The following KCNIP1 variants were observed in gnomAD, a reference collection of about 807,000 sequenced individuals.
The protein encoded by KCNIP1 is potassium voltage-gated channel interacting protein 1, also known as A-type potassium channel modulatory protein KCNIP1.
KCNIP1 carries 18 observed loss-of-function variants against 33.0 expected under a neutral mutation model. That is an observed-to-expected ratio of 0.55 (90% CI 0.38 to 0.81). The LOEUF is 0.81. KCNIP1 is among the 30% of genes least tolerant of loss of function. KCNIP1 has a pLI of 0.00. For synonymous variants in KCNIP1, 93 were observed against 98.3 expected, an observed-to-expected ratio of 0.95 and a Z score of 0.32; for missense variants, 238 against 271.6, an observed-to-expected ratio of 0.88 and a Z score of 0.87.
Position 170,732,793 on chromosome 5 carries a change from G to T in KCNIP1, c.436-7G>T. Reference sequence around the variant, plus strand: ...CCACACTGTGTGCTTTTATGTCCCTGCTCCAGGAGATGATGGACATTGTCA... The same window carrying T: ...CCACACTGTGTGCTTTTATGTCCCTTCTCCAGGAGATGATGGACATTGTCA... On this transcript the variant is annotated splice_polypyrimidine_tract_variant and splice_region_variant and intron_variant, in intron 5 of 7. Transcript: ENST00000328939. 1 of 1,586,718 alleles carries T rather than the reference G, an allele frequency of 6.3e-7. No individual in the cohort carries two copies. Among genetic ancestry groups the T allele is most frequent in the Non-Finnish European group, 8.7e-7 (1 of 1,155,200 alleles).
rs59711597 is a variant in KCNIP1, at chr5:170,390,516, A to AT, written c.88+36552_88+36553insT. ...AGACCCCGTCTCAAAAAAAAAAAACAAATATATATATATATATATATATTT... is the reference window on the plus strand; with the variant it reads ...AGACCCCGTCTCAAAAAAAAAAAACATAATATATATATATATATATATATTT... On this transcript the variant is annotated intron_variant, in intron 1 of 7. Transcript: ENST00000377360. Among the ~76,000 whole-genome samples, 343 of 38,634 alleles carry AT rather than the reference A, an allele frequency of 8.9e-3. 17 individuals are homozygous for AT. The highest frequency in any genetic ancestry group is 0.017 in the Middle Eastern group (1 of 60). The allele number at this position is 38,634 out of a possible 152,430, so 25.3% of individuals were successfully genotyped here.
intron 1 of KCNIP1, chr5:170,482,980 C>T: frequency 2.4e-6 from 1 of 423,698 alleles, no homozygotes; most frequent in South Asian, 1.7e-5. Flanking sequence ...CCATGCATCC[C>T]TAGAAAACAT....
intron 1 of KCNIP1, among the ~76,000 whole-genome samples, chr5:170,461,794 C>T (rs537100770): frequency 6.0e-5 from 9 of 149,756 alleles, no homozygotes; most frequent in East Asian, 3.9e-4. Context: ...GAAGAGAGAA[C>T]GCAGAAATAA....
chr5:170,403,090 T>C (rs1278518578), intron 1 of KCNIP1, among the ~76,000 whole-genome samples: 1 of 152,180 alleles, frequency 6.6e-6, no homozygotes, highest in East Asian at 1.9e-4. Flanking sequence ...ACCTCCCAAA[T>C]TGTACTTTGG....
intron 1 of KCNIP1, among the ~76,000 whole-genome samples, chr5:170,392,190 A>C (rs2656843): frequency 0.067 from 10,111 of 151,988 alleles, 874 homozygotes; most frequent in African/African-American, 0.2. Flanking sequence ...CAGCTAGCAA[A>C]TCTCACCGGG....
chr5:170,453,889 CCT>C (rs1406038981), intron 1 of KCNIP1, among the ~76,000 whole-genome samples: 1 of 152,168 alleles, frequency 6.6e-6, no homozygotes, highest in African/African-American at 2.4e-5. Context: ...CTGCCAACAT[CCT>C]GAGTAAGGCT....
chr5:170,641,533 C>G (rs1053266021), intron 1 of KCNIP1, among the ~76,000 whole-genome samples: 1 of 152,222 alleles, frequency 6.6e-6, no homozygotes, highest in Non-Finnish European at 1.5e-5. Flanking sequence ...AAAGCCGCCA[C>G]AGTAAGACAC....
chr5:170,399,493 G>A (rs542860510), intron 1 of KCNIP1, among the ~76,000 whole-genome samples: 119 of 152,278 alleles, frequency 7.8e-4, no homozygotes, highest in South Asian at 7.5e-3. Context: ...AGTAATAGAG[G>A]TAAGTCATAG....
chr5:170,369,238 G>C (rs896723717), intron 1 of KCNIP1, among the ~76,000 whole-genome samples: 2 of 152,198 alleles, frequency 1.3e-5, no homozygotes, highest in African/African-American at 2.4e-5. Flanking sequence ...TTCTTCATCA[G>C]TAAAATGGGG....
exon 1 of KCNIP1, chr5:170,353,769 G>T (rs954334259): frequency 1.0e-6 from 1 of 955,044 alleles, no homozygotes; most frequent in East Asian, 2.6e-5. Context: ...GGGTGCATCC[G>T]TCACTCAGGG....
chr5:170,509,160 G>A (rs747621939), intron 1 of KCNIP1, among the ~76,000 whole-genome samples: 3 of 152,098 alleles, frequency 2.0e-5, no homozygotes, highest in Admixed American at 2.0e-4. Context: ...TCTGTTGTTC[G>A]GTCTGCTGGC....
At chr5:170,688,820 T>C (rs1220172641) in intron 1 of KCNIP1, among the ~76,000 whole-genome samples, 1 of 152,212 alleles carries the variant, frequency 6.6e-6, no homozygotes, top group Non-Finnish European at 1.5e-5. Context: ...ATGTCCACCC[T>C]GCACCATTTA....
chr5:170,614,199 C>T (rs372971331), intron 1 of KCNIP1, among the ~76,000 whole-genome samples: 1 of 152,186 alleles, frequency 6.6e-6, no homozygotes. Context: ...AGGAGGAAAG[C>T]CTGATTCCCT....
chr5:170,512,955 C>A (rs549696495), intron 1 of KCNIP1, among the ~76,000 whole-genome samples: 1 of 151,990 alleles, frequency 6.6e-6, no homozygotes, highest in East Asian at 1.9e-4. Flanking sequence ...GAGGTTGAGG[C>A]AGGAGAATGG....
At chr5:170,503,160 C>T (rs1198709977), upstream of KCNIP1, among the ~76,000 whole-genome samples, 2 of 151,948 alleles carry the variant, frequency 1.3e-5, no homozygotes, top group South Asian at 2.1e-4. Flanking sequence ...GAGGCCAAGG[C>T]GGGTGGATCA....
chr5:170,413,971 A>G (rs978586545), intron 1 of KCNIP1, among the ~76,000 whole-genome samples: 2 of 151,182 alleles, frequency 1.3e-5, no homozygotes, highest in African/African-American at 4.9e-5. Flanking sequence ...GAAGATGGGA[A>G]AGAGGTGACC....
chr5:170,632,335 G>A (rs939906963), intron 1 of KCNIP1, among the ~76,000 whole-genome samples: 6 of 152,328 alleles, frequency 3.9e-5, no homozygotes, highest in South Asian at 2.1e-4. Context: ...TAGGATTCTC[G>A]CCTCAAATCT....
intron 1 of KCNIP1, among the ~76,000 whole-genome samples, chr5:170,436,376 T>G (rs577191151): frequency 6.6e-6 from 1 of 152,308 alleles, no homozygotes; most frequent in South Asian, 2.1e-4. Context: ...CAGAAAGGTC[T>G]CAGGGACCAG....
intron 2 of KCNIP1, among the ~76,000 whole-genome samples, chr5:170,719,132 G>A (rs1437283157): frequency 6.6e-6 from 1 of 152,080 alleles, no homozygotes; most frequent in African/African-American, 2.4e-5. Flanking sequence ...CATCCTCAAG[G>A]AATTCACCCT....
Sources: allele counts gnomAD v4.1 joint callset (sites outside exome capture counted in the v4.1 genomes callset), GRCh38; gene constraint gnomAD v4.1.1; transcripts MANE v1.5; gene names NCBI Gene and HGNC (gene_info 2026-07-23, HGNC 2026-07-21).